Variants in JPH2 observed in about 807,000 individuals in gnomAD.
JPH2 encodes junctophilin 2.
In JPH2, 38 loss-of-function variants were observed where a neutral mutation model predicts 55.9. The ratio of observed to expected loss-of-function variants is 0.68; its 90% confidence interval spans 0.52 to 0.89. The LOEUF is 0.89. JPH2 is among the 40% of genes least tolerant of loss of function. The probability of loss-of-function intolerance (pLI) is 0.00; values close to 1 mark genes in which losing one functional copy is unlikely to be tolerated. For missense variants in JPH2, 964 were observed against 1,037.6 expected (o/e 0.93, Z 0.97); for synonymous variants, 480 against 472.4 (o/e 1.02, Z -0.21).
At chr20:44,163,829 T>C (rs2145882803) in intron 1 of JPH2, among the ~76,000 whole-genome samples, 1 of 152,320 alleles carries the variant, frequency 6.6e-6, no homozygotes, top group Non-Finnish European at 1.5e-5. Flanking sequence ...AGGTCCCTAG[T>C]GCTTCCAGCC....
intron 1 of JPH2, among the ~76,000 whole-genome samples, chr20:44,178,455 G>C (rs2072753271): frequency 6.6e-6 from 1 of 152,112 alleles, no homozygotes; most frequent in Non-Finnish European, 1.5e-5. Flanking sequence ...TAAACAAATA[G>C]GGATATATAC....
intron 1 of JPH2, among the ~76,000 whole-genome samples, chr20:44,173,895 T>A (rs1479552232): frequency 6.6e-6 from 1 of 152,128 alleles, no homozygotes; most frequent in Non-Finnish European, 1.5e-5. Context: ...CCTGGGCGAC[T>A]GAGAGAGACT....
intron 3 of JPH2, among the ~76,000 whole-genome samples, chr20:44,117,149 C>T (rs1178044944): frequency 1.3e-5 from 2 of 152,142 alleles, no homozygotes; most frequent in Admixed American, 6.5e-5. Flanking sequence ...CATGGTGGCG[C>T]GTGCCTGTAA....
chr20:44,153,447 G>A (rs761773637), intron 2 of JPH2, among the ~76,000 whole-genome samples: 8 of 152,146 alleles, frequency 5.3e-5, no homozygotes, highest in Non-Finnish European at 7.3e-5. Context: ...ATAGGTTCCT[G>A]CTCACCAGAG....
intron 2 of JPH2, among the ~76,000 whole-genome samples, chr20:44,134,038 T>TTATTA (rs1555855553): frequency 1.1e-4 from 2 of 18,722 alleles, no homozygotes; most frequent in East Asian, 1.9e-3. Flanking sequence ...AAATATATAT[T>TTATTA]TATATATAAA....
rs1402032884 is a variant in JPH2 at position 44,173,372 on chromosome 20, G to A, written c.379+12955C>T. Among the ~76,000 whole-genome samples, 7 of 151,732 alleles carry A rather than the reference G, an allele frequency of 4.6e-5. No homozygotes were observed. In the East Asian group the frequency reaches 1.3e-3, roughly 29 times the overall value. On this transcript the variant is annotated intron_variant, in intron 1 of 5. Coordinates refer to ENST00000372980, the MANE Select transcript of JPH2 (RefSeq NM_020433.5). ...CAACCAGTCCTATAACCCCCACCCC[G>A]AAACTGCCTCAGTATAAAAAAGCCA...
At chr20:44,137,934 T>C (rs893893249) in intron 2 of JPH2, among the ~76,000 whole-genome samples, 3 of 152,062 alleles carry the variant, frequency 2.0e-5, no homozygotes, top group African/African-American at 4.8e-5. Context: ...CCAAGAATGA[T>C]AGGTGGTACC....
intron 2 of JPH2, among the ~76,000 whole-genome samples, chr20:44,157,591 C>G (rs2072574810): frequency 6.6e-6 from 1 of 152,238 alleles, no homozygotes; most frequent in South Asian, 2.1e-4. Flanking sequence ...CTGACCTGCA[C>G]TGTCGTTCCT....
intron 1 of JPH2, among the ~76,000 whole-genome samples, chr20:44,171,946 C>T (rs2072702342): frequency 6.6e-6 from 1 of 152,228 alleles, no homozygotes; most frequent in South Asian, 2.1e-4. Flanking sequence ...TGCAGGGACT[C>T]ACACATGGAA....
chr20:44,160,420 A>T lies in JPH2; in HGVS notation c.380-13T>A, dbSNP rs1238462367. On this transcript the variant is annotated splice_polypyrimidine_tract_variant and intron_variant, in intron 1 of 5. Transcript: ENST00000372980. The surrounding 1 kb of genome is among the most constrained non-coding windows in gnomAD (Gnocchi z 4.9). ...CCTTGGTACGTCCCTGCGGGCGAGG[A>T]GAGGGCGCGTCAGTAGGCGGCACGA... The T allele has an allele frequency of 3.7e-6, 6 of 1,607,210 alleles. No homozygotes were observed. The highest frequency in any genetic ancestry group is 5.1e-6 in the Non-Finnish European group (6 of 1,177,826).
intron 2 of JPH2, among the ~76,000 whole-genome samples, chr20:44,144,679 G>A (rs2072481276): frequency 6.6e-6 from 1 of 152,212 alleles, no homozygotes; most frequent in Non-Finnish European, 1.5e-5. Flanking sequence ...GGTGGAGTCT[G>A]GCTCAGAGAA....
At chr20:44,115,621 T>C (rs766692404) in intron 4 of JPH2, 44 bp downstream of exon 4, 1 of 1,610,330 alleles carries the variant, frequency 6.2e-7, no homozygotes, top group Non-Finnish European at 8.5e-7. Flanking sequence ...CCCTGCTACC[T>C]CTAGGGAACC....
chr20:44,123,538 C>T (rs776272479), intron 2 of JPH2, among the ~76,000 whole-genome samples: 1 of 152,188 alleles, frequency 6.6e-6, no homozygotes, highest in Non-Finnish European at 1.5e-5. Context: ...GTATGGCCTT[C>T]GAGGCTCTCC....
chr20:44,115,457 T>A (rs1015630141), intron 4 of JPH2, among the ~76,000 whole-genome samples: 1 of 152,186 alleles, frequency 6.6e-6, no homozygotes, highest in Non-Finnish European at 1.5e-5. Context: ...GAGGACTCCA[T>A]GCGGCCATTT....
At chr20:44,181,845 G>A (rs1600479596) in intron 1 of JPH2, among the ~76,000 whole-genome samples, 2 of 152,144 alleles carry the variant, frequency 1.3e-5, no homozygotes, top group East Asian at 3.8e-4. Context: ...GTCTGTCCCT[G>A]CCTAGCACCC....
rs6031412 is a variant in JPH2 at position 44,131,544 on chromosome 20, C to T, written c.1170-12921G>A. On this transcript the variant is annotated intron_variant, in intron 2 of 5. Transcript: ENST00000372980. The stretch of plus-strand genomic sequence containing the variant: ...ACAATGGGGATAATAATAGTGCCTA[C>T]ATCATAGGGTAATGAAAATTAAATG... 7.5e-3 allele frequency among the ~76,000 whole-genome samples: 1,136 copies of T among 152,292 alleles called. 21 individuals carry two copies. The highest frequency in any genetic ancestry group is 0.026 in the African/African-American group (1,078 of 41,544).
chr20:44,151,584 A>T (rs2072531161), intron 2 of JPH2, among the ~76,000 whole-genome samples: 1 of 152,106 alleles, frequency 6.6e-6, no homozygotes, highest in Admixed American at 6.5e-5. Context: ...TGGGGCAGCC[A>T]TTAGCTAGGA....
intron 1 of JPH2, among the ~76,000 whole-genome samples, chr20:44,165,114 G>A (rs6103665): frequency 6.6e-6 from 1 of 152,128 alleles, no homozygotes; most frequent in African/African-American, 2.4e-5. Context: ...TGGGATTGCA[G>A]GTGTGAGCTA....
intron 2 of JPH2, among the ~76,000 whole-genome samples, chr20:44,130,401 G>A (rs1163067454): frequency 1.3e-5 from 2 of 152,250 alleles, no homozygotes; most frequent in African/African-American, 4.8e-5. Context: ...GCCTGGGGCT[G>A]GGTTACCAGC....
Sources: allele counts gnomAD v4.1 joint callset (sites outside exome capture counted in the v4.1 genomes callset), GRCh38; gene constraint gnomAD v4.1.1; non-coding constraint Gnocchi (gnomAD v3.1); transcripts MANE v1.5; gene names NCBI Gene and HGNC (gene_info 2026-07-23, HGNC 2026-07-21).